CCSER1: variants seen among roughly 807,000 people sequenced by gnomAD.
CCSER1 encodes serine-rich coiled-coil domain-containing protein 1.
Under a neutral mutation model 82.0 loss-of-function variants are expected in CCSER1, and 41 were observed. The observed-to-expected ratio is 0.50, with a 90% CI of 0.39 to 0.65. The LOEUF is 0.65. CCSER1 is among the 30% of genes least tolerant of loss of function. The pLI, the probability that CCSER1 is intolerant of heterozygous loss-of-function variation, is 0.00. For synonymous variants in CCSER1, 414 were observed against 383.9 expected, an observed-to-expected ratio of 1.08 and a Z score of -0.92; for missense variants, 1,119 against 1,064.2, an observed-to-expected ratio of 1.05 and a Z score of -0.72.
intron 10 of CCSER1, among the ~76,000 whole-genome samples, chr4:91,262,487 T>C (rs1468316712): frequency 6.6e-6 from 1 of 152,198 alleles, no homozygotes; most frequent in African/African-American, 2.4e-5. Flanking sequence ...AAAATACTCA[T>C]AGATACTCAA....
intron 10 of CCSER1, among the ~76,000 whole-genome samples, chr4:91,431,909 T>G (rs1254351651): frequency 6.6e-6 from 1 of 152,182 alleles, no homozygotes; most frequent in Non-Finnish European, 1.5e-5. Context: ...GCTGCATACT[T>G]TTTCCATTGT....
chr4:91,312,112 G>A (rs1456524202), intron 10 of CCSER1, among the ~76,000 whole-genome samples: 2 of 151,774 alleles, frequency 1.3e-5, no homozygotes, highest in Non-Finnish European at 2.9e-5. Flanking sequence ...TTTATAACAA[G>A]TATACAAATT....
At chr4:90,867,920 T>A (rs9998356) in intron 8 of CCSER1, among the ~76,000 whole-genome samples, 1 of 151,906 alleles carries the variant, frequency 6.6e-6, no homozygotes, top group Non-Finnish European at 1.5e-5. Flanking sequence ...TGTATATGCA[T>A]AACATTGTTT....
At chr4:91,209,290 C>A (rs1464817213) in intron 10 of CCSER1, among the ~76,000 whole-genome samples, 1 of 151,798 alleles carries the variant, frequency 6.6e-6, no homozygotes, top group Non-Finnish European at 1.5e-5. Flanking sequence ...TGTCTTGTGC[C>A]AGTTTTCAAG....
intron 10 of CCSER1, among the ~76,000 whole-genome samples, chr4:91,542,321 G>T (rs1015059140): frequency 1.3e-5 from 2 of 152,044 alleles, no homozygotes; most frequent in Non-Finnish European, 2.9e-5. Context: ...TGTCCTGAAT[G>T]GTATTGCCTA....
At position 91,318,572 on chromosome 4, in the gene CCSER1, A is replaced by T. The variant is rs2222766; in HGVS notation, c.2217+232578A>T. ...ACAAGGATAATATTAACCAAATAAGATTATTGTAAGGATCAAATCAGGACT... is the reference window on the plus strand; with the variant it reads ...ACAAGGATAATATTAACCAAATAAGTTTATTGTAAGGATCAAATCAGGACT... On this transcript the variant is annotated intron_variant, in intron 10 of 10. Coordinates refer to ENST00000509176, the MANE Select transcript of CCSER1 (RefSeq NM_001145065.2). 7.7e-3 allele frequency among the ~76,000 whole-genome samples: 1,168 copies of T among 152,112 alleles called. 32 individuals are homozygous for T. The East Asian group carries it at 0.096, about 13-fold the overall frequency.
At chr4:90,314,986 A>G (rs1419066492) in intron 3 of CCSER1, among the ~76,000 whole-genome samples, 2 of 151,382 alleles carry the variant, frequency 1.3e-5, no homozygotes, top group East Asian at 3.9e-4. Flanking sequence ...ACCTGGGATT[A>G]CAGGCACCTG....
At chr4:91,166,245 T>A in intron 10 of CCSER1, among the ~76,000 whole-genome samples, 1 of 152,350 alleles carries the variant, frequency 6.6e-6, no homozygotes, top group East Asian at 1.9e-4. Context: ...ACTAAATTTT[T>A]AAAAATCTAA....
chr4:90,743,699 A>C (rs996148451), intron 7 of CCSER1, among the ~76,000 whole-genome samples: 2 of 152,212 alleles, frequency 1.3e-5, no homozygotes, highest in Middle Eastern at 6.4e-3. Flanking sequence ...AGCATAATTA[A>C]GGGTAGGGGA....
At chr4:90,608,568 C>A (rs945796307) in intron 5 of CCSER1, among the ~76,000 whole-genome samples, 1 of 151,864 alleles carries the variant, frequency 6.6e-6, no homozygotes, top group Non-Finnish European at 1.5e-5. Context: ...TCTTAGAGGC[C>A]CTCTTAGAAT....
chr4:91,266,544 C>T (rs1741604329), intron 10 of CCSER1, among the ~76,000 whole-genome samples: 3 of 152,034 alleles, frequency 2.0e-5, no homozygotes, highest in Admixed American at 2.0e-4. Context: ...AGCCACAGCG[C>T]CCGGCCTTAA....
intron 10 of CCSER1, among the ~76,000 whole-genome samples, chr4:91,419,419 A>G (rs1753570007): frequency 6.6e-6 from 1 of 152,096 alleles, no homozygotes; most frequent in Admixed American, 6.6e-5. Flanking sequence ...AAAAGTTACA[A>G]TGAGCCACCT....
chr4:91,218,415 C>T (rs1418209548), intron 10 of CCSER1, among the ~76,000 whole-genome samples: 1 of 152,154 alleles, frequency 6.6e-6, no homozygotes, highest in Non-Finnish European at 1.5e-5. Context: ...AAAGGGGCTC[C>T]CACAGTGCAG....
At chr4:90,855,637 A>C (rs1408243530) in intron 8 of CCSER1, among the ~76,000 whole-genome samples, 1 of 152,150 alleles carries the variant, frequency 6.6e-6, no homozygotes, top group Non-Finnish European at 1.5e-5. Context: ...TTTTAACTCT[A>C]AAGTGTGTTA....
At chr4:90,352,109 G>GGTC (rs1203095121) in intron 3 of CCSER1, among the ~76,000 whole-genome samples, 1 of 152,138 alleles carries the variant, frequency 6.6e-6, no homozygotes, top group Admixed American at 6.5e-5. Context: ...CGGATCACAA[G>GGTC]GTCAGGAGAT....
At chr4:90,869,678 G>A (rs1333939394) in intron 8 of CCSER1, among the ~76,000 whole-genome samples, 1 of 151,182 alleles carries the variant, frequency 6.6e-6, no homozygotes, top group Non-Finnish European at 1.5e-5. Context: ...GATGGCTTTG[G>A]CTATTCTGGG....
At position 91,333,276 on chromosome 4, in the gene CCSER1, T is replaced by C. The variant is rs554047701; in HGVS notation, c.2217+247282T>C. 5.3e-4 allele frequency among the ~76,000 whole-genome samples: 81 copies of C among 152,168 alleles called. 2 individuals are homozygous for C. The South Asian group carries it at 0.016, about 30-fold the overall frequency. ...TGTGTATCAGACAAAATGACTTGTT[T>C]ATCATAGAATTCTTCAAAACTGAAA... On this transcript the variant is annotated intron_variant, in intron 10 of 10. Coordinates refer to ENST00000509176, the MANE Select transcript of CCSER1 (RefSeq NM_001145065.2).
intron 6 of CCSER1, among the ~76,000 whole-genome samples, chr4:90,660,980 G>A (rs541673162): frequency 6.6e-6 from 1 of 152,188 alleles, no homozygotes; most frequent in African/African-American, 2.4e-5. Context: ...AAGGTAAAAG[G>A]TGTTATTGTT....
chr4:91,013,079 T>G (rs1739129687), intron 9 of CCSER1, among the ~76,000 whole-genome samples: 1 of 135,090 alleles, frequency 7.4e-6, no homozygotes, highest in African/African-American at 2.5e-5. Context: ...TTATTTTTAT[T>G]AAAACATAGC....
Sources: allele counts gnomAD v4.1 joint callset (sites outside exome capture counted in the v4.1 genomes callset), GRCh38; gene constraint gnomAD v4.1.1; transcripts MANE v1.5; gene names NCBI Gene and HGNC (gene_info 2026-07-23, HGNC 2026-07-21).